The following HS6ST1 variants were observed in gnomAD, a reference collection of about 807,000 sequenced individuals.
HS6ST1 encodes the protein heparan sulfate 6-O-sulfotransferase 1.
Under a neutral mutation model 25.2 loss-of-function variants are expected in HS6ST1, and 3 were observed. That is an observed-to-expected ratio of 0.12 (90% CI 0.05 to 0.31). HS6ST1 has a LOEUF of 0.31. Among genes scored for constraint, HS6ST1 ranks in the 10% least tolerant of loss-of-function variants. The probability of loss-of-function intolerance (pLI) is 1.00; values close to 1 mark genes in which losing one functional copy is unlikely to be tolerated. For synonymous variants in HS6ST1, 204 were observed against 275.1 expected, an observed-to-expected ratio of 0.74 and a Z score of 2.56; for missense variants, 310 against 609.6, an observed-to-expected ratio of 0.51 and a Z score of 5.18.
At chr2:128,299,850 G>A (rs34427153) in intron 1 of HS6ST1, among the ~76,000 whole-genome samples, 23,668 of 152,208 alleles carry the variant, frequency 0.16, 2,309 homozygotes, top group Non-Finnish European at 0.21. Flanking sequence ...GCTGGCGAGG[G>A]CAGCAGACCC....
chr2:128,280,657 C>T (rs1039130999), intron 1 of HS6ST1, among the ~76,000 whole-genome samples: 1 of 152,140 alleles, frequency 6.6e-6, no homozygotes. Context: ...TGGGCTAAGG[C>T]TGTCCCTTCT....
chr2:128,284,987 C>G (rs896472179), intron 1 of HS6ST1, among the ~76,000 whole-genome samples: 1 of 152,186 alleles, frequency 6.6e-6, no homozygotes, highest in Non-Finnish European at 1.5e-5. Context: ...TCACTGTGGC[C>G]CCACTGGCAG....
At chr2:128,301,969 A>C (rs1694137507) in intron 1 of HS6ST1, among the ~76,000 whole-genome samples, 1 of 152,188 alleles carries the variant, frequency 6.6e-6, no homozygotes, top group African/African-American at 2.4e-5. Context: ...GGGAAGGCAG[A>C]GGACTGGGCT....
chr2:128,295,076 G>A (rs1694021116), intron 1 of HS6ST1, among the ~76,000 whole-genome samples: 1 of 152,178 alleles, frequency 6.6e-6, no homozygotes, highest in South Asian at 2.1e-4. Context: ...TGAGGAACCA[G>A]CAACTGAGTG....
Position 128,318,516 on chromosome 2 carries a change from G to A in HS6ST1, c.48C>T (p.Ser16=), listed in dbSNP as rs776102619. The A allele has an allele frequency of 7.6e-5, 117 of 1,536,696 alleles. No homozygotes were observed. The highest frequency in any genetic ancestry group is 4.3e-4 in the Middle Eastern group (2 of 4,670). Residue 16 remains serine (S), a synonymous_variant, in exon 1 of 2, where the codon AGC becomes AGT. Transcript: ENST00000259241. This position sits in a 1 kb window ranked among gnomAD's most constrained non-coding sequence, Gnocchi z 5.7. The part of the protein sequence containing the change: ...AGGRTMVERA[S]KFVLVVAGSV... Reference sequence around the variant, plus strand: ...AGCCCGCCACCACCAGCACGAACTTGCTGGCGCGCTCAACCATGGTCCTGC... The same window carrying A: ...AGCCCGCCACCACCAGCACGAACTTACTGGCGCGCTCAACCATGGTCCTGC...
At chr2:128,274,019 T>C (rs1573690360) in intron 1 of HS6ST1, among the ~76,000 whole-genome samples, 1 of 152,070 alleles carries the variant, frequency 6.6e-6, no homozygotes, top group Non-Finnish European at 1.5e-5. Flanking sequence ...TCGCACCCCC[T>C]GCTGAAGGGT....
chr2:128,317,724 G>A (rs1305999910), intron 1 of HS6ST1, among the ~76,000 whole-genome samples: 1 of 152,260 alleles, frequency 6.6e-6, no homozygotes, highest in African/African-American at 2.4e-5. Context: ...CGCACAGCAG[G>A]TAAGGTGGCC....
At chr2:128,305,129 C>T (rs1694189327) in intron 1 of HS6ST1, among the ~76,000 whole-genome samples, 1 of 152,250 alleles carries the variant, frequency 6.6e-6, no homozygotes, top group Admixed American at 6.5e-5. Context: ...ATTTGACCCA[C>T]TTGCTGAAGG....
At chr2:128,291,913 C>T (rs1693957680) in intron 1 of HS6ST1, among the ~76,000 whole-genome samples, 1 of 152,216 alleles carries the variant, frequency 6.6e-6, no homozygotes, top group South Asian at 2.1e-4. Context: ...CGTCCAACAC[C>T]CTCCCTGCTC....
At chr2:128,286,903 C>T (rs574625290) in intron 1 of HS6ST1, among the ~76,000 whole-genome samples, 1 of 152,298 alleles carries the variant, frequency 6.6e-6, no homozygotes, top group South Asian at 2.1e-4. Flanking sequence ...GCCTGGGGAA[C>T]AGCATCCCCC....
At chr2:128,315,059 G>A (rs946918009) in intron 1 of HS6ST1, among the ~76,000 whole-genome samples, 1 of 152,200 alleles carries the variant, frequency 6.6e-6, no homozygotes, top group Non-Finnish European at 1.5e-5. Context: ...GCTGCTGCCT[G>A]GGGATGGCCA....
intron 1 of HS6ST1, among the ~76,000 whole-genome samples, chr2:128,287,095 C>A: frequency 6.6e-6 from 1 of 152,180 alleles, no homozygotes; most frequent in East Asian, 1.9e-4. Flanking sequence ...CCCTCTGGGG[C>A]AGGGGGTGGC....
At chr2:128,312,970 G>A (rs1007215500) in intron 1 of HS6ST1, among the ~76,000 whole-genome samples, 3 of 152,112 alleles carry the variant, frequency 2.0e-5, no homozygotes, top group Admixed American at 6.5e-5. Flanking sequence ...GGCTGAGGTC[G>A]GACAATCGCT....
At chr2:128,315,778 G>T (rs1228501489) in intron 1 of HS6ST1, among the ~76,000 whole-genome samples, 2 of 152,204 alleles carry the variant, frequency 1.3e-5, no homozygotes, top group Non-Finnish European at 2.9e-5. Context: ...GTGCAGCTTG[G>T]CCCTGCGAGC....
chr2:128,285,896 G>A (rs1370385531), intron 1 of HS6ST1, among the ~76,000 whole-genome samples: 8 of 152,236 alleles, frequency 5.3e-5, no homozygotes, highest in African/African-American at 7.2e-5. Context: ...TGTCCGGCAA[G>A]GGGGCTGAGG....
In HS6ST1 at chr2:128,279,440, C is replaced by T. The variant is rs139848352; in HGVS notation, c.528-10570G>A. ...CTCAGAGGAAGAGTCCTTGGGGGGC[C>T]GGCTTCAGCGAAACAACAAGCATGC... On this transcript the variant is annotated intron_variant, in intron 1 of 1. Coordinates refer to ENST00000259241, the MANE Select transcript of HS6ST1 (RefSeq NM_004807.3). 1.1e-4 allele frequency among the ~76,000 whole-genome samples: 16 copies of T among 150,808 alleles called. No individual in the cohort carries two copies. The East Asian group carries it at 1.6e-3, about 15-fold the overall frequency.
chr2:128,292,176 C>CAGCTCTAGG (rs1693963230), intron 1 of HS6ST1, among the ~76,000 whole-genome samples: 1 of 152,218 alleles, frequency 6.6e-6, no homozygotes, highest in Non-Finnish European at 1.5e-5. Context: ...GCTCTAGGCC[C>CAGCTCTAGG]TCTCAGTGCC....
At chr2:128,307,580 C>A (rs745498515) in intron 1 of HS6ST1, among the ~76,000 whole-genome samples, 1 of 152,200 alleles carries the variant, frequency 6.6e-6, no homozygotes, top group Non-Finnish European at 1.5e-5. Flanking sequence ...AACCAATACG[C>A]GAAGCACAAA....
intron 1 of HS6ST1, among the ~76,000 whole-genome samples, chr2:128,283,439 G>A (rs1693814888): frequency 6.6e-6 from 1 of 152,228 alleles, no homozygotes. Flanking sequence ...CCTGGCAGAG[G>A]ACATAGTGGT....
Sources: gnomAD v4.1 joint callset for allele counts (sites outside exome capture counted in the v4.1 genomes callset) on GRCh38, gnomAD v4.1.1 for gene constraint, Gnocchi (gnomAD v3.1) non-coding constraint, MANE v1.5 for transcripts, NCBI Gene and HGNC (gene_info 2026-07-23, HGNC 2026-07-21) for gene names.